PRKAG2: variants seen among roughly 807,000 people sequenced by gnomAD.
PRKAG2 encodes protein kinase AMP-activated non-catalytic subunit gamma 2.
In PRKAG2, 26 loss-of-function variants were observed where a neutral mutation model predicts 69.6. The observed-to-expected ratio is 0.37, with a 90% confidence interval of 0.27 to 0.52. PRKAG2 has a LOEUF of 0.52. Ranked by LOEUF, PRKAG2 falls within the 20% of genes least tolerant of loss-of-function variation. PRKAG2 has a pLI of 0.90. For missense variants in PRKAG2, 557 were observed against 740.0 expected (o/e 0.75, Z 2.87); for synonymous variants, 293 against 285.0 (o/e 1.03, Z -0.28).
At chr7:151,633,706 T>TA (rs371233925) in intron 4 of PRKAG2, among the ~76,000 whole-genome samples, 72 of 152,256 alleles carry the variant, frequency 4.7e-4, no homozygotes, top group African/African-American at 1.7e-3. Flanking sequence ...AAACCATGTA[T>TA]AGTAGCTGTA....
chr7:151,685,981 C>A (rs1385379897), intron 3 of PRKAG2, among the ~76,000 whole-genome samples: 1 of 152,076 alleles, frequency 6.6e-6, no homozygotes, highest in African/African-American at 2.4e-5. Flanking sequence ...CTGCTAGTGC[C>A]CTCTTTCCCT....
intron 4 of PRKAG2, among the ~76,000 whole-genome samples, chr7:151,666,729 C>T (rs963130810): frequency 3.9e-5 from 6 of 152,204 alleles, no homozygotes; most frequent in Non-Finnish European, 7.3e-5. Flanking sequence ...CGTAGTTCCT[C>T]CCTGCCTGGG....
At chr7:151,629,718 T>C (rs1451478443) in intron 5 of PRKAG2, among the ~76,000 whole-genome samples, 1 of 152,238 alleles carries the variant, frequency 6.6e-6, no homozygotes. Context: ...TGAGTAATCA[T>C]GTGTTTCCAC....
rs2076674031 is a variant in PRKAG2, at chr7:151,781,594, G to A, written c.187-163C>T. ...CTTCCACAGAGGTAGCCACTGAATG[G>A]TCTGCAGGTAGCACCTGCCCCAAGG... is the stretch of plus-strand genomic sequence containing the variant. On this transcript the variant is annotated intron_variant, in intron 2 of 15. Transcript: ENST00000287878. The surrounding 1 kb of genome is among the most constrained non-coding windows in gnomAD (Gnocchi z 6.1). 6.6e-6 allele frequency among the ~76,000 whole-genome samples: 1 copy of A among 152,150 alleles called. No individual in the cohort carries two copies. Among genetic ancestry groups the A allele is most frequent in the African/African-American group, 2.4e-5 (1 of 41,418 alleles).
chr7:151,804,525 A>G (rs968516963), intron 1 of PRKAG2, among the ~76,000 whole-genome samples: 1 of 152,132 alleles, frequency 6.6e-6, no homozygotes, highest in Non-Finnish European at 1.5e-5. Flanking sequence ...GGGAATTACA[A>G]TTCAAGAGGA....
At chr7:151,587,387 C>T (rs923983578) in intron 6 of PRKAG2, among the ~76,000 whole-genome samples, 2 of 152,142 alleles carry the variant, frequency 1.3e-5, no homozygotes, top group Non-Finnish European at 2.9e-5. Context: ...GCTGCTCAGC[C>T]CTCACGGAGG....
At chr7:151,750,489 A>G (rs1047445276) in intron 3 of PRKAG2, among the ~76,000 whole-genome samples, 8 of 152,206 alleles carry the variant, frequency 5.3e-5, no homozygotes, top group Non-Finnish European at 1.0e-4. Flanking sequence ...TAAGTGATAG[A>G]AGCCACATGC....
intron 1 of PRKAG2, among the ~76,000 whole-genome samples, chr7:151,843,335 T>C (rs2079354694): frequency 6.6e-6 from 1 of 152,190 alleles, no homozygotes; most frequent in South Asian, 2.1e-4. Flanking sequence ...CACTTCATTC[T>C]AGTTCTGTGG....
At position 151,666,292 on chromosome 7, in the gene PRKAG2, G is replaced by A. The variant is rs1425754740; in HGVS notation, c.684+9128C>T. On this transcript the variant is annotated intron_variant, in intron 4 of 15. Transcript: ENST00000287878. Reference sequence around the variant, plus strand: ...GGTAATTAAGTGAGGCCATAGGGTAGGCCCTAGTCCAATAGGACTTGTGTC... The same window carrying A: ...GGTAATTAAGTGAGGCCATAGGGTAAGCCCTAGTCCAATAGGACTTGTGTC... 3.9e-5 allele frequency among the ~76,000 whole-genome samples: 6 copies of A among 152,340 alleles called. No individual in the cohort carries two copies. In the East Asian group the frequency reaches 9.6e-4, roughly 24 times the overall value.
intron 9 of PRKAG2, among the ~76,000 whole-genome samples, chr7:151,571,767 G>A (rs1398363108): frequency 2.0e-5 from 3 of 152,086 alleles, no homozygotes; most frequent in African/African-American, 4.8e-5. Context: ...CTTCTAAATC[G>A]TATGGATTTG....
chr7:151,564,392 T>C, intron 13 of PRKAG2, 168 bp from the exon 14 acceptor site: 1 of 654,656 alleles, frequency 1.5e-6, no homozygotes, highest in Non-Finnish European at 2.7e-6. Context: ...CCATTGCTAC[T>C]GTTATTTTGT....
At chr7:151,790,998 G>A (rs886648375) in intron 1 of PRKAG2, among the ~76,000 whole-genome samples, 7 of 152,346 alleles carry the variant, frequency 4.6e-5, no homozygotes, top group Middle Eastern at 3.4e-3. Context: ...CAGGTGTCTC[G>A]GGCTGGAGTG....
chr7:151,616,776 GAGA>G (rs539842205), intron 5 of PRKAG2, among the ~76,000 whole-genome samples: 55 of 152,334 alleles, frequency 3.6e-4, no homozygotes, highest in Admixed American at 2.0e-3. Context: ...TGAGAGAGAA[GAGA>G]AGAAGAAACA....
rs185668759 is a variant in PRKAG2 at position 151,652,685 on chromosome 7, G to A, written c.685-20547C>T. 1.3e-5 allele frequency among the ~76,000 whole-genome samples: 2 copies of A among 152,216 alleles called. 1 individual carries two copies. Among genetic ancestry groups the A allele is most frequent in the Middle Eastern group, 6.8e-3 (2 of 294 alleles). The stretch of plus-strand genomic sequence containing the variant: ...TTTTGAGATGGGGTCACCCAGGCTA[G>A]AGTACAATGGCATGATCGGGCTCAC... On this transcript the variant is annotated intron_variant, in intron 4 of 15. Transcript: ENST00000287878.
rs71198724 is a variant in PRKAG2 at position 151,623,363 on chromosome 7, C to CAAAAA, written c.754+8701_754+8705dup. On this transcript the variant is annotated intron_variant, in intron 5 of 15. Coordinates refer to ENST00000287878, the MANE Select transcript of PRKAG2 (RefSeq NM_016203.4). ...TGGGCAACAGAGCAAGACTCTGTCT[C>CAAAAA]AAAAAAAAAAAAAAAAAAAAAAAAA... Among the ~76,000 whole-genome samples the CAAAAA allele has an allele frequency of 9.5e-3, 348 of 36,654 alleles. 69 individuals carry two copies. The highest frequency in any genetic ancestry group is 0.014 in the Non-Finnish European group (265 of 19,590). 24.0% of individuals were successfully genotyped at this position (36,654 alleles called of 152,430 possible).
At chr7:151,710,774 C>T (rs1013618307) in intron 3 of PRKAG2, among the ~76,000 whole-genome samples, 3 of 152,224 alleles carry the variant, frequency 2.0e-5, no homozygotes, top group Admixed American at 6.5e-5. Flanking sequence ...ACTCTGCTTG[C>T]CCCTACAAGC....
At chr7:151,616,862 G>A (rs959454163) in intron 5 of PRKAG2, among the ~76,000 whole-genome samples, 6 of 152,184 alleles carry the variant, frequency 3.9e-5, no homozygotes, top group South Asian at 2.1e-4. Context: ...AAATGATGTA[G>A]CCGTATCTTA....
intron 3 of PRKAG2, among the ~76,000 whole-genome samples, chr7:151,727,555 C>T (rs557720999): frequency 3.8e-4 from 58 of 152,334 alleles, no homozygotes; most frequent in African/African-American, 1.1e-3. Flanking sequence ...TGCCTGGAGA[C>T]GCAGGGGTTT....
At chr7:151,809,491 C>A in intron 1 of PRKAG2, 1 of 293,324 alleles carries the variant, frequency 3.4e-6, no homozygotes, top group Non-Finnish European at 6.8e-6. Flanking sequence ...ATTGGTCTTC[C>A]GGGGCTTAAA....
Sources: allele counts gnomAD v4.1 joint callset (sites outside exome capture counted in the v4.1 genomes callset), GRCh38; gene constraint gnomAD v4.1.1; non-coding constraint Gnocchi (gnomAD v3.1); transcripts MANE v1.5; gene names NCBI Gene and HGNC (gene_info 2026-07-23, HGNC 2026-07-21).